RYR2: variants seen among roughly 807,000 people sequenced by gnomAD.
RYR2 encodes cardiac muscle ryanodine receptor-calcium release channel.
In RYR2, 227 loss-of-function variants were observed where a neutral mutation model predicts 601.1. The observed-to-expected ratio is 0.38, with a 90% CI of 0.34 to 0.42. RYR2 has a LOEUF of 0.42. Among genes scored for constraint, RYR2 ranks in the 10% least tolerant of loss-of-function variants. The pLI is 1.00. For synonymous variants in RYR2, 2,223 were observed against 2,175.1 expected (o/e 1.02, Z -0.61); for missense variants, 4,646 against 6,156.5 (o/e 0.75, Z 8.21).
intron 34 of RYR2, among the ~76,000 whole-genome samples, chr1:237,596,753 G>A (rs927873505): frequency 4.6e-5 from 7 of 152,250 alleles, no homozygotes; most frequent in Admixed American, 3.3e-4. Flanking sequence ...AATCCTAAGA[G>A]TAATGAGAGA....
chr1:237,810,558 A>ACAC (rs949720904), intron 100 of RYR2, among the ~76,000 whole-genome samples: 36 of 152,192 alleles, frequency 2.4e-4, no homozygotes, highest in African/African-American at 7.5e-4. Context: ...AAGTTTTGTG[A>ACAC]CACCTATCAA....
Position 237,650,349 on chromosome 1 carries a change from C to A in RYR2, c.7733+252C>A, listed in dbSNP as rs115141379. Among the ~76,000 whole-genome samples the A allele has an allele frequency of 0.015, 2,312 of 152,220 alleles. 50 individuals carry two copies. The highest frequency in any genetic ancestry group is 0.05 in the African/African-American group (2,091 of 41,540). The stretch of plus-strand genomic sequence containing the variant: ...ATAGCTTTTGACCAGTTACAGAATA[C>A]TATTCTGGATGTTGGGAGTGGGGAG... On this transcript the variant is annotated intron_variant, in intron 50 of 104. Transcript: ENST00000366574.
chr1:237,441,619 C>T (rs1707910024), intron 13 of RYR2, 136 bp downstream of exon 13: 5 of 660,336 alleles, frequency 7.6e-6, no homozygotes, highest in Non-Finnish European at 4.9e-6. Flanking sequence ...GCAGATTCCA[C>T]TGTAATAGAC....
chr1:237,331,600 T>G (rs973199806), intron 3 of RYR2, among the ~76,000 whole-genome samples: 2 of 151,972 alleles, frequency 1.3e-5, no homozygotes, highest in Non-Finnish European at 2.9e-5. Flanking sequence ...CCTCCCGGGT[T>G]CATGCCATTC....
chr1:237,528,113 A>C (rs991036373), intron 24 of RYR2, among the ~76,000 whole-genome samples: 27 of 152,202 alleles, frequency 1.8e-4, no homozygotes, highest in African/African-American at 6.3e-4. Flanking sequence ...AGATGCTGGC[A>C]ATTTGAATAT....
At chr1:237,713,600 T>C (rs933844938) in intron 71 of RYR2, among the ~76,000 whole-genome samples, 3 of 152,128 alleles carry the variant, frequency 2.0e-5, no homozygotes, top group Non-Finnish European at 4.4e-5. Context: ...GGTTTCACCA[T>C]ATTGGCCAGG....
chr1:237,472,828 G>T (rs1370119147), intron 17 of RYR2, among the ~76,000 whole-genome samples: 2 of 152,116 alleles, frequency 1.3e-5, no homozygotes, highest in Admixed American at 1.3e-4. Context: ...GGTGACCAAG[G>T]AGTTCAAATT....
At chr1:237,270,288 T>A (rs1689545667) in intron 1 of RYR2, 1 of 708,276 alleles carries the variant, frequency 1.4e-6, no homozygotes, top group East Asian at 2.9e-5. Flanking sequence ...CTCCCCTCTT[T>A]TCCCCTACTC....
Position 237,784,910 on chromosome 1 carries a change from G to T in RYR2, c.13198G>T (p.Ala4400Ser), listed in dbSNP as rs750662333. 19 of 1,610,554 alleles carry T rather than the reference G, an allele frequency of 1.2e-5. No homozygotes were observed. The highest frequency in any genetic ancestry group is 1.4e-5 in the Non-Finnish European group (17 of 1,178,346). Reference protein sequence around the residue: ...QYKLIPHNPNAGLSDLMSNPV... With the variant: ...QYKLIPHNPNSGLSDLMSNPV... ...CAAACTGATTCCTCATAATCCAAATGCTGGGCTCAGTGACCTCATGAGCAA... is the reference window on the plus strand; with the variant it reads ...CAAACTGATTCCTCATAATCCAAATTCTGGGCTCAGTGACCTCATGAGCAA... Residue 4400 changes from alanine (A) to serine (S), a missense_variant, in exon 90 of 105, where the codon GCT (alanine) becomes TCT (serine). Physicochemically the swap from Ala to Ser is moderately conservative, Grantham distance 99. Coordinates refer to ENST00000366574, the MANE Select transcript of RYR2 (RefSeq NM_001035.3). The surrounding 1 kb of genome is among the most constrained non-coding windows in gnomAD (Gnocchi z 7.1).
intron 27 of RYR2, among the ~76,000 whole-genome samples, chr1:237,562,503 G>A (rs953014651): frequency 5.9e-5 from 9 of 152,246 alleles, no homozygotes; most frequent in African/African-American, 2.2e-4. Context: ...TTAGGTGATT[G>A]GTGGTGTGTC....
At position 237,678,034 on chromosome 1, in the gene RYR2, C is replaced by T. The variant is rs12033392; in HGVS notation, c.8831-14C>T. 1.3e-6 allele frequency: 2 copies of T among 1,565,446 alleles called. No individual in the cohort carries two copies. The highest frequency in any genetic ancestry group is 1.7e-5 in the Admixed American group (1 of 59,182). ...CCAGTGCAGCATTTACCTAAAAACT[C>T]TTCAAATCTACAGATGGTGGCAGCA... On this transcript the variant is annotated splice_polypyrimidine_tract_variant and intron_variant, in intron 60 of 104. Coordinates refer to ENST00000366574, the MANE Select transcript of RYR2 (RefSeq NM_001035.3).
At chr1:237,173,433 G>A (rs1422608414) in intron 1 of RYR2, among the ~76,000 whole-genome samples, 1 of 152,200 alleles carries the variant, frequency 6.6e-6, no homozygotes, top group Non-Finnish European at 1.5e-5. Flanking sequence ...CTGGGTTGTG[G>A]AGAGAATTAC....
At chr1:237,693,390 T>G (rs991598915) in intron 63 of RYR2, among the ~76,000 whole-genome samples, 7 of 152,196 alleles carry the variant, frequency 4.6e-5, no homozygotes, top group African/African-American at 1.4e-4. Flanking sequence ...ATTTGTCACT[T>G]ATAGGCCTTT....
chr1:237,374,395 C>T (rs866262638), intron 6 of RYR2, among the ~76,000 whole-genome samples: 1 of 151,914 alleles, frequency 6.6e-6, no homozygotes, highest in Non-Finnish European at 1.5e-5. Context: ...TAGTGGTGCA[C>T]ACCTGTGGTC....
chr1:237,415,433 T>G (rs1028450887), intron 10 of RYR2, among the ~76,000 whole-genome samples: 10 of 152,198 alleles, frequency 6.6e-5, no homozygotes, highest in African/African-American at 2.4e-4. Flanking sequence ...TGATTAAATT[T>G]TATCTAAAGA....
At chr1:237,428,030 G>T (rs1424074259) in intron 12 of RYR2, among the ~76,000 whole-genome samples, 1 of 152,066 alleles carries the variant, frequency 6.6e-6, no homozygotes, top group Non-Finnish European at 1.5e-5. Context: ...TTAGATAAAT[G>T]CAAATCAAAA....
In RYR2 at chr1:237,784,834, C is replaced by T; in HGVS notation, c.13122C>T (p.Asp4374=). ...TDLKELTEES[D]LLSDIFGLDL... ...TAAAGGAGCTGACAGAGGAAAGTGA[C>T]CTTCTTTCGGACATCTTTGGCCTGG... The change falls in exon 90 of 105, where the codon GAC becomes GAT. Residue 4374 remains aspartate (D), a synonymous_variant. Coordinates refer to ENST00000366574, the MANE Select transcript of RYR2 (RefSeq NM_001035.3). This position sits in a 1 kb window ranked among gnomAD's most constrained non-coding sequence, Gnocchi z 7.1. 1 of 1,613,744 alleles carries T rather than the reference C, an allele frequency of 6.2e-7. No individual in the cohort carries two copies. Among genetic ancestry groups the T allele is most frequent in the Non-Finnish European group, 8.5e-7 (1 of 1,179,752 alleles).
At chr1:237,607,433 G>A (rs979109378) in intron 35 of RYR2, among the ~76,000 whole-genome samples, 4 of 151,764 alleles carry the variant, frequency 2.6e-5, no homozygotes, top group African/African-American at 4.8e-5. Flanking sequence ...GTGGGGTTGG[G>A]GGAGGGAGGG....
At chr1:237,419,654 A>T (rs1453880355) in intron 11 of RYR2, among the ~76,000 whole-genome samples, 1 of 152,084 alleles carries the variant, frequency 6.6e-6, no homozygotes, top group African/African-American at 2.4e-5. Flanking sequence ...TTAAAGAGAG[A>T]TGTTTTGTTC....
Sources: gnomAD v4.1 joint callset for allele counts (sites outside exome capture counted in the v4.1 genomes callset) on GRCh38, gnomAD v4.1.1 for gene constraint, Gnocchi (gnomAD v3.1) non-coding constraint, MANE v1.5 for transcripts, NCBI Gene and HGNC (gene_info 2026-07-23, HGNC 2026-07-21) for gene names.